The following TTC12 variants were observed in gnomAD, a reference collection of about 807,000 sequenced individuals.
TTC12 encodes tetratricopeptide repeat domain 12.
TTC12 carries 70 observed loss-of-function variants against 90.1 expected under a neutral mutation model. That is an observed-to-expected ratio of 0.78 (90% CI 0.64 to 0.95). TTC12 has a LOEUF of 0.95. Ranked by LOEUF, TTC12 falls within the 40% of genes least tolerant of loss-of-function variation. TTC12 has a pLI of 0.00. For synonymous variants in TTC12, 296 were observed against 311.5 expected (o/e 0.95, Z 0.53); for missense variants, 819 against 846.1 (o/e 0.97, Z 0.40).
intron 7 of TTC12, among the ~76,000 whole-genome samples, chr11:113,331,916 A>G (rs1457809762): frequency 6.6e-6 from 1 of 152,210 alleles, no homozygotes; most frequent in African/African-American, 2.4e-5. Context: ...AAAAACTAAT[A>G]ATGATTTGTT....
At position 113,344,324 on chromosome 11, in the gene TTC12, C is replaced by T. The variant is rs948280606; in HGVS notation, c.1038C>T (p.Ala346=). ...VIHHDRARLL[A]ALLSSKVLAI... ...ACCATGACAGGGCCAGGCTGTTGGCCGCCCTCTTGTCCTCCAAGGTCCTGG... is the reference window on the plus strand; with the variant it reads ...ACCATGACAGGGCCAGGCTGTTGGCTGCCCTCTTGTCCTCCAAGGTCCTGG... The change falls in exon 13 of 22, where the codon GCC becomes GCT. Residue 346 remains alanine, a synonymous_variant. Transcript: ENST00000529221. The T allele has an allele frequency of 9.3e-6, 15 of 1,614,070 alleles. No individual in the cohort carries two copies. Among genetic ancestry groups the T allele is most frequent in the South Asian group, 7.7e-5 (7 of 91,070 alleles).
At chr11:113,319,701 CT>C (rs1555137403) in intron 2 of TTC12, among the ~76,000 whole-genome samples, 5 of 151,100 alleles carry the variant, frequency 3.3e-5, no homozygotes, top group African/African-American at 1.2e-4. Flanking sequence ...AGCAGGACAA[CT>C]TTCCCTACCT....
chr11:113,350,482 G>C (rs1404826370), intron 14 of TTC12, among the ~76,000 whole-genome samples: 1 of 152,196 alleles, frequency 6.6e-6, no homozygotes, highest in African/African-American at 2.4e-5. Context: ...TGGTACATAG[G>C]AGCTGCCCAG....
intron 9 of TTC12, 21 bp downstream of exon 9, chr11:113,338,855 G>A (rs782248659): frequency 6.2e-7 from 1 of 1,611,672 alleles, no homozygotes; most frequent in East Asian, 2.2e-5. Flanking sequence ...TCCTGCTGAG[G>A]TCCTTCATCT....
At chr11:113,348,033 C>G (rs1949069899) in intron 13 of TTC12, among the ~76,000 whole-genome samples, 1 of 152,182 alleles carries the variant, frequency 6.6e-6, no homozygotes, top group Admixed American at 6.5e-5. Flanking sequence ...CCTTCCAAGT[C>G]AGGGACCCCA....
chr11:113,323,121 A>T (rs1324537650), intron 2 of TTC12, among the ~76,000 whole-genome samples, 167 bp from the exon 3 acceptor site: 4 of 150,560 alleles, frequency 2.7e-5, no homozygotes, highest in African/African-American at 9.8e-5. Context: ...AAAAAAAAAA[A>T]CCTGTTGTTA....
chr11:113,316,203 T>C lies in TTC12; in HGVS notation c.-15-40T>C, dbSNP rs945610999. Reference sequence around the variant, plus strand: ...TAAGCCTGACCGTTCTGTTTAGTGCTTTATTATTATTAATTTCACCATTAT... The same window carrying C: ...TAAGCCTGACCGTTCTGTTTAGTGCCTTATTATTATTAATTTCACCATTAT... On this transcript the variant is annotated intron_variant, in intron 1 of 21. Transcript: ENST00000529221. The C allele has an allele frequency of 1.3e-4, 138 of 1,043,032 alleles. 1 individual carries two copies. Among genetic ancestry groups the C allele is most frequent in the Non-Finnish European group, 1.8e-5 (14 of 759,064 alleles). 64.6% of individuals were successfully genotyped at this position (1,043,032 alleles called of 1,614,324 possible). A position where few individuals can be genotyped will look rare whatever the true frequency, so the allele number is the denominator to read the frequency against.
chr11:113,325,446 G>A, intron 5 of TTC12, 78 bp from the exon 6 acceptor site: 1 of 1,556,028 alleles, frequency 6.4e-7, no homozygotes, highest in Non-Finnish European at 8.8e-7. Context: ...AAATAGAATT[G>A]GAAAATCGGG....
chr11:113,359,511 A>G, intron 17 of TTC12, 50 bp downstream of exon 17: 1 of 1,230,408 alleles, frequency 8.1e-7, no homozygotes, highest in Non-Finnish European at 1.2e-6. Context: ...ACCTGTACAC[A>G]TTCTGTGGCA....
At chr11:113,350,880 G>A (rs1949247196) in intron 14 of TTC12, among the ~76,000 whole-genome samples, 1 of 152,198 alleles carries the variant, frequency 6.6e-6, no homozygotes, top group Non-Finnish European at 1.5e-5. Context: ...GGCTCCGATG[G>A]GTAAACATGC....
chr11:113,372,965 A>G (rs1012644427), intron 21 of TTC12, among the ~76,000 whole-genome samples: 22 of 152,180 alleles, frequency 1.4e-4, no homozygotes, highest in African/African-American at 5.3e-4. Flanking sequence ...ACTCACTCCT[A>G]TATCCTCTGT....
chr11:113,344,283 C>T lies in TTC12; in HGVS notation c.997C>T (p.Arg333Cys), dbSNP rs372970995. The change falls in exon 13 of 22, where the codon CGT becomes TGT. Residue 333 changes from arginine (R) to cysteine (C), a missense_variant. Coordinates refer to ENST00000529221, the MANE Select transcript of TTC12 (RefSeq NM_017868.4). ...TCTGTGTTTTGCAGAGGAAAACCAG[C>T]GTGTGCTAGTGATACACCATGACAG... is the stretch of plus-strand genomic sequence containing the variant. ...AVCSRNEENQRVLVIHHDRAR... is the reference protein window; with the variant it reads ...AVCSRNEENQCVLVIHHDRAR... 6.1e-5 allele frequency: 98 copies of T among 1,611,660 alleles called. No homozygotes were observed. Among genetic ancestry groups the T allele is most frequent in the East Asian group, 5.6e-4 (25 of 44,828 alleles).
At chr11:113,357,937 G>A (rs1949712311) in intron 16 of TTC12, among the ~76,000 whole-genome samples, 1 of 152,220 alleles carries the variant, frequency 6.6e-6, no homozygotes, top group African/African-American at 2.4e-5. Context: ...AAGACCTGTG[G>A]CAGAGTGCTA....
chr11:113,356,681 A>G (rs892214724), intron 16 of TTC12, among the ~76,000 whole-genome samples: 3 of 151,992 alleles, frequency 2.0e-5, no homozygotes, highest in Non-Finnish European at 4.4e-5. Flanking sequence ...TCCTTTACTT[A>G]TGAAGTTTAA....
chr11:113,356,127 T>A (rs981855324), intron 16 of TTC12, among the ~76,000 whole-genome samples: 10 of 152,228 alleles, frequency 6.6e-5, no homozygotes, highest in African/African-American at 2.4e-4. Context: ...GTTTCTGTGT[T>A]TGGTGCATAA....
intron 18 of TTC12, 76 bp downstream of exon 18, chr11:113,360,084 C>T: frequency 4.1e-6 from 2 of 482,086 alleles, no homozygotes; most frequent in Non-Finnish European, 3.5e-6. Context: ...GTTTTATTAT[C>T]AGTGTAATCT....
At chr11:113,350,486 T>C (rs1949212970) in intron 14 of TTC12, among the ~76,000 whole-genome samples, 1 of 152,182 alleles carries the variant, frequency 6.6e-6, no homozygotes, top group Admixed American at 6.5e-5. Flanking sequence ...ACATAGGAGC[T>C]GCCCAGCAAA....
In TTC12 at chr11:113,344,422, A is replaced by G. The variant is rs782070438; in HGVS notation, c.1136A>G (p.Asn379Ser). The change falls in exon 13 of 22, where the codon AAC becomes AGC. Residue 379 changes from asparagine to serine, a missense_variant. Transcript: ENST00000529221. ...QTESGRSLII[N>S]HLDLTRLLEA... ...GAGAGCGGACGGAGCCTGATCATCA[A>G]CCACCTTGACCTGACCAGGTAAGCC... 1.2e-5 allele frequency: 19 copies of G among 1,613,668 alleles called. No individual in the cohort carries two copies. Among genetic ancestry groups the G allele is most frequent in the Non-Finnish European group, 1.6e-5 (19 of 1,179,774 alleles).
chr11:113,351,823 G>GATTT (rs1188127275), intron 15 of TTC12, among the ~76,000 whole-genome samples: 2 of 152,216 alleles, frequency 1.3e-5, no homozygotes, highest in Admixed American at 1.3e-4. Context: ...GAAGGGAAGG[G>GATTT]ATTTGCCCAG....
Sources: gnomAD v4.1 joint callset for allele counts (sites outside exome capture counted in the v4.1 genomes callset) on GRCh38, gnomAD v4.1.1 for gene constraint, MANE v1.5 for transcripts, NCBI Gene and HGNC (gene_info 2026-07-23, HGNC 2026-07-21) for gene names.